SPTB: variants seen among roughly 807,000 people sequenced by gnomAD.
SPTB encodes spectrin beta, erythrocytic.
Under a neutral mutation model 256.2 loss-of-function variants are expected in SPTB, and 45 were observed. That is an observed-to-expected ratio of 0.18 (90% CI 0.14 to 0.23). The LOEUF (loss-of-function observed/expected upper bound fraction) is 0.23, where lower values mean the gene tolerates loss of function less well. Among genes scored for constraint, SPTB ranks in the 10% least tolerant of loss-of-function variants. The pLI, the probability that SPTB is intolerant of heterozygous loss-of-function variation, is 1.00. For synonymous variants in SPTB, 1,231 were observed against 1,243.1 expected (o/e 0.99, Z 0.21); for missense variants, 2,715 against 3,040.4 (o/e 0.89, Z 2.52).
Position 64,867,449 on chromosome 14 carries a change from A to G in SPTB, c.-52+12343T>C, listed in dbSNP as rs192479540. Among the ~76,000 whole-genome samples, 205 of 152,312 alleles carry G rather than the reference A, an allele frequency of 1.3e-3. 2 individuals are homozygous for G. The highest frequency in any genetic ancestry group is 4.3e-3 in the African/African-American group (178 of 41,570). ...CAGCCAGGCTACAGCGTGGACAGCA[A>G]AAGAGGAAGGAATGTGTGTCTTCTG... On this transcript the variant is annotated intron_variant, in intron 1 of 35. Coordinates refer to ENST00000644917, the MANE Select transcript of SPTB (RefSeq NM_001355436.2).
At chr14:64,872,551 G>A (rs1566813819) in intron 1 of SPTB, among the ~76,000 whole-genome samples, 1 of 152,138 alleles carries the variant, frequency 6.6e-6, no homozygotes, top group Admixed American at 6.5e-5. Flanking sequence ...ATCAAGACCC[G>A]CTTTTCTCTC....
chr14:64,833,582 G>A (rs1467704616), intron 1 of SPTB, among the ~76,000 whole-genome samples: 10 of 151,362 alleles, frequency 6.6e-5, no homozygotes, highest in Non-Finnish European at 1.5e-4. Context: ...AACCTCCCAC[G>A]TCTACCACCA....
chr14:64,752,877 G>A (rs2081971417), intron 33 of SPTB, among the ~76,000 whole-genome samples: 1 of 152,086 alleles, frequency 6.6e-6, no homozygotes, highest in African/African-American at 2.4e-5. Context: ...GCTAGAAAGA[G>A]GAGGCCCCTG....
intron 2 of SPTB, among the ~76,000 whole-genome samples, chr14:64,809,262 C>CAAA (rs57245539): frequency 6.4e-4 from 58 of 91,016 alleles, no homozygotes; most frequent in African/African-American, 1.1e-3. Flanking sequence ...AACTTTGTAT[C>CAAA]AAAAAAAAAA....
At position 64,795,146 on chromosome 14, in the gene SPTB, C is replaced by A. The variant is rs747436244; in HGVS notation, c.1644+191G>T. ...TACCATGGACCTGGGCTGGTATCAC[C>A]TGCTGGAGCAGAGTGGACCAAGAGG... On this transcript the variant is annotated intron_variant, in intron 12 of 35. Transcript: ENST00000644917. This position sits in a 1 kb window ranked among gnomAD's most constrained non-coding sequence, Gnocchi z 6.5. 2.6e-5 allele frequency among the ~76,000 whole-genome samples: 4 copies of A among 152,268 alleles called. No homozygotes were observed. Among genetic ancestry groups the A allele is most frequent in the Non-Finnish European group, 5.9e-5 (4 of 68,048 alleles).
chr14:64,802,461 G>T lies in SPTB; in HGVS notation c.475-144C>A. The T allele has an allele frequency of 1.3e-6, 1 of 768,746 alleles. No homozygotes were observed. Among genetic ancestry groups the T allele is most frequent in the Non-Finnish European group, 2.2e-6 (1 of 444,912 alleles). The allele number at this position is 768,746 out of a possible 1,614,324, so 47.6% of individuals were successfully genotyped here. A position where few individuals can be genotyped will look rare whatever the true frequency, so the allele number is the denominator to read the frequency against. On this transcript the variant is annotated intron_variant, in intron 4 of 35. Transcript: ENST00000644917. The surrounding 1 kb of genome is among the most constrained non-coding windows in gnomAD (Gnocchi z 5.1). ...TAAGAGCCAGTATAAATGGCGCTTG[G>T]GTTGGGTCTCCCTTCATGTGCCCTG...
In SPTB at chr14:64,825,427, C is replaced by T. The variant is rs116988415; in HGVS notation, c.-51-2282G>A. ...ATTTCGCACCCAACTGGCTGGGCAACGATAGCCGGGAAAGATACCCCCCAC... is the reference window on the plus strand; with the variant it reads ...ATTTCGCACCCAACTGGCTGGGCAATGATAGCCGGGAAAGATACCCCCCAC... On this transcript the variant is annotated intron_variant, in intron 1 of 35. Transcript: ENST00000644917. This position sits in a 1 kb window ranked among gnomAD's most constrained non-coding sequence, Gnocchi z 4.8. Among the ~76,000 whole-genome samples the T allele has an allele frequency of 0.066, 10,005 of 152,208 alleles. 429 individuals carry two copies. Among genetic ancestry groups the T allele is most frequent in the Non-Finnish European group, 0.1 (6,813 of 67,990 alleles).
In SPTB at chr14:64,749,216, C is replaced by A. The variant is rs1216828555; in HGVS notation, c.*90G>T. 4.8e-6 allele frequency: 7 copies of A among 1,473,560 alleles called. No individual in the cohort carries two copies. The highest frequency in any genetic ancestry group is 2.5e-5 in the East Asian group (1 of 39,836). The allele number at this position is 1,473,560 out of a possible 1,614,324, so 91.3% of individuals were successfully genotyped here. On this transcript the variant is annotated 3_prime_UTR_variant, in exon 36 of 36. Transcript: ENST00000644917. The surrounding 1 kb of genome is among the most constrained non-coding windows in gnomAD (Gnocchi z 4.7). ...GCCCGCGACTCGACTCATCTCGATT[C>A]GACCGGCGGGCGGCGGCGAGAGGAG...
At position 64,767,828 on chromosome 14, in the gene SPTB, G is replaced by T; in HGVS notation, c.6054C>A (p.Ala2018=). ...CAATCAGCCACGCCTCAGCCACAGA[G>T]GCATCCCTCGAGAACTGGCACACCT... ...LLEVCQFSRD[A]SVAEAWLIAQ... Residue 2018 remains alanine (A), a synonymous_variant, in exon 30 of 36, where the codon GCC becomes GCA. Transcript: ENST00000644917. 1.2e-6 allele frequency: 2 copies of T among 1,614,050 alleles called. No individual in the cohort carries two copies. Among genetic ancestry groups the T allele is most frequent in the Non-Finnish European group, 1.7e-6 (2 of 1,179,968 alleles).
At chr14:64,791,151 G>C (rs2082662812) in intron 15 of SPTB, among the ~76,000 whole-genome samples, 1 of 152,082 alleles carries the variant, frequency 6.6e-6, no homozygotes, top group Non-Finnish European at 1.5e-5. Context: ...ACCCTCCCCA[G>C]GCACAGCATT....
chr14:64,795,273 G>T lies in SPTB; in HGVS notation c.1644+64C>A. 6.3e-7 allele frequency: 1 copy of T among 1,578,536 alleles called. No individual in the cohort carries two copies. Among genetic ancestry groups the T allele is most frequent in the South Asian group, 1.1e-5 (1 of 89,722 alleles). On this transcript the variant is annotated intron_variant, in intron 12 of 35. Transcript: ENST00000644917. The surrounding 1 kb of genome is among the most constrained non-coding windows in gnomAD (Gnocchi z 6.5). ...GTGTCTAAGGAAGCCTATGCTAACTGCAGGGCCACTGAGACCCAAGGTGAG... is the reference window on the plus strand; with the variant it reads ...GTGTCTAAGGAAGCCTATGCTAACTTCAGGGCCACTGAGACCCAAGGTGAG...
intron 33 of SPTB, among the ~76,000 whole-genome samples, chr14:64,750,505 A>T (rs1026709501): frequency 5.3e-5 from 8 of 152,062 alleles, no homozygotes; most frequent in African/African-American, 1.9e-4. Context: ...GCCAGGCAAG[A>T]TGGCTAACAC....
rs913017927 is a variant in SPTB, at chr14:64,816,469, A to T, written c.148+6478T>A. Among the ~76,000 whole-genome samples the T allele has an allele frequency of 1.3e-5, 2 of 152,118 alleles. No individual in the cohort carries two copies. The highest frequency in any genetic ancestry group is 4.8e-5 in the African/African-American group (2 of 41,420). ...ACCACCAACCCTGCACTCTGACTCAAACATGCTTATCCCCTGAACTGAGAG... is the reference window on the plus strand; with the variant it reads ...ACCACCAACCCTGCACTCTGACTCATACATGCTTATCCCCTGAACTGAGAG... On this transcript the variant is annotated intron_variant, in intron 2 of 35. Transcript: ENST00000644917. This position sits in a 1 kb window ranked among gnomAD's most constrained non-coding sequence, Gnocchi z 4.2.
intron 32 of SPTB, among the ~76,000 whole-genome samples, chr14:64,765,483 T>TG (rs1413279345): frequency 6.6e-6 from 1 of 152,206 alleles, no homozygotes; most frequent in African/African-American, 2.4e-5. Flanking sequence ...CCTAGGCCTC[T>TG]GGCAGCTGCT....
rs537397399 is a variant in SPTB, at chr14:64,773,165, G to C, written c.5178+55C>G. 2 of 1,607,266 alleles carry C rather than the reference G, an allele frequency of 1.2e-6. 1 individual carries two copies. Among genetic ancestry groups the C allele is most frequent in the East Asian group, 4.5e-5 (2 of 44,810 alleles). On this transcript the variant is annotated intron_variant, in intron 25 of 35. Coordinates refer to ENST00000644917, the MANE Select transcript of SPTB (RefSeq NM_001355436.2). ...CTCTGTGTGTCTTGAGTGACGGCTG[G>C]CTGCGTCTACCGCATTAGAGAAAGA...
At position 64,777,210 on chromosome 14, in the gene SPTB, G is replaced by A. The variant is rs765245575; in HGVS notation, c.4564-1807C>T. ...AGGACTGAACAAGTGCAAAGGCTCT[G>A]GGGTGGACATGAGCTGGGACCGTCT... On this transcript the variant is annotated intron_variant, in intron 22 of 35. Transcript: ENST00000644917. This position sits in a 1 kb window ranked among gnomAD's most constrained non-coding sequence, Gnocchi z 4.5. 5.9e-5 allele frequency among the ~76,000 whole-genome samples: 9 copies of A among 152,172 alleles called. No individual in the cohort carries two copies. Among genetic ancestry groups the A allele is most frequent in the Non-Finnish European group, 1.2e-4 (8 of 68,034 alleles).
At chr14:64,874,983 C>T (rs1310516455) in intron 1 of SPTB, among the ~76,000 whole-genome samples, 5 of 152,024 alleles carry the variant, frequency 3.3e-5, no homozygotes, top group Admixed American at 3.3e-4. Context: ...AAATTTATAA[C>T]ATTCAAATGA....
At chr14:64,867,633 C>A (rs1882265922) in intron 1 of SPTB, among the ~76,000 whole-genome samples, 3 of 152,276 alleles carry the variant, frequency 2.0e-5, no homozygotes, top group Admixed American at 1.3e-4. Flanking sequence ...GCGGGCACAT[C>A]ACCTGAGGTC....
chr14:64,750,963 C>T (rs1359762901), intron 33 of SPTB, among the ~76,000 whole-genome samples: 1 of 143,072 alleles, frequency 7.0e-6, no homozygotes, highest in African/African-American at 2.6e-5. Flanking sequence ...ATATTTTATA[C>T]ATCATATAAT....
Sources: gnomAD v4.1 joint callset for allele counts (sites outside exome capture counted in the v4.1 genomes callset) on GRCh38, gnomAD v4.1.1 for gene constraint, Gnocchi (gnomAD v3.1) non-coding constraint, MANE v1.5 for transcripts, NCBI Gene and HGNC (gene_info 2026-07-23, HGNC 2026-07-21) for gene names.